Variants in SLC44A5 observed in about 807,000 individuals in gnomAD.
SLC44A5 encodes choline transporter-like protein 5.
In SLC44A5, 57 loss-of-function variants were observed where a neutral mutation model predicts 101.8. The ratio of observed to expected loss-of-function variants is 0.56; its 90% CI spans 0.45 to 0.70. The LOEUF (loss-of-function observed/expected upper bound fraction) is 0.70. Ranked by LOEUF, SLC44A5 falls within the 30% of genes least tolerant of loss-of-function variation. SLC44A5 has a pLI of 0.00. For synonymous variants in SLC44A5, 281 were observed against 290.9 expected (o/e 0.97, Z 0.35); for missense variants, 737 against 853.1 (o/e 0.86, Z 1.70).
chr1:75,357,540 TA>T (rs1659171429), intron 3 of SLC44A5, among the ~76,000 whole-genome samples: 1 of 151,980 alleles, frequency 6.6e-6, no homozygotes, highest in Non-Finnish European at 1.5e-5. Flanking sequence ...AAAGAGTGCT[TA>T]AAGAGGAAAC....
intron 2 of SLC44A5, among the ~76,000 whole-genome samples, chr1:75,526,346 T>TACTCCCCTACTTTTCCCAGGC (rs1670406257): frequency 6.6e-6 from 1 of 152,206 alleles, no homozygotes; most frequent in Non-Finnish European, 1.5e-5. Context: ...TACTCCCAGG[T>TACTCCCCTACTTTTCCCAGGC]ACTCCCCTAC....
intron 1 of SLC44A5, among the ~76,000 whole-genome samples, chr1:75,565,339 A>C (rs758090943): frequency 6.6e-6 from 1 of 152,252 alleles, no homozygotes; most frequent in Non-Finnish European, 1.5e-5. Context: ...GGAGACAAAG[A>C]GAAGTCTAGA....
chr1:75,376,780 C>A (rs1467208890), intron 3 of SLC44A5, among the ~76,000 whole-genome samples: 2 of 152,202 alleles, frequency 1.3e-5, no homozygotes, highest in Non-Finnish European at 2.9e-5. Flanking sequence ...CGCCTCTCCT[C>A]CAAAGGAACG....
rs1329043842 is a variant in SLC44A5, at chr1:75,227,867, G to T, written c.854-10C>A. ...TAACAGTGCCATATTCCTTGAAAAA[G>T]AAAGAAAAACAGAATAATATAAAAT... On this transcript the variant is annotated splice_polypyrimidine_tract_variant and intron_variant, in intron 12 of 23. Transcript: ENST00000370859. 6.3e-7 allele frequency: 1 copy of T among 1,576,340 alleles called. No individual in the cohort carries two copies. The highest frequency in any genetic ancestry group is 8.6e-7 in the Non-Finnish European group (1 of 1,168,392).
In SLC44A5 at chr1:75,211,431, C is replaced by A. The variant is rs1646850367; in HGVS notation, c.2047+37G>T. The A allele has an allele frequency of 2.6e-6, 4 of 1,517,932 alleles. No homozygotes were observed. In the African/African-American group the frequency reaches 4.1e-5, roughly 16 times the overall value. The allele number at this position is 1,517,932 out of a possible 1,614,324, so 94.0% of individuals were successfully genotyped here. ...CTTCACCATCTCACCTTTCAGTTAT[C>A]CACCGAAGGGGGAAAACACACATAC... On this transcript the variant is annotated intron_variant, in intron 23 of 23. Coordinates refer to ENST00000370859, the MANE Select transcript of SLC44A5 (RefSeq NM_001130058.2).
rs750149354 is a variant in SLC44A5 at position 75,242,953 on chromosome 1, T to A, written c.404A>T (p.Tyr135Phe). ...FLTYVEMQLL[Y>F]TKDKSYWEDY... is the part of the protein sequence containing the mutation. ...TTCCCAGTAGCTTTTGTCTTTTGTG[T>A]ACAAAAGTTGCATTTCCACATAGGT... Residue 135 changes from tyrosine (Y) to phenylalanine (F), a missense_variant, in exon 8 of 24, where the codon TAC becomes TTC. By Grantham distance (22) the Tyr-to-Phe change is conservative. Around this residue, in one of 3 missense-constraint regions of SLC44A5, gnomAD observed 665 missense variants for 764.4 expected, o/e 0.87. Transcript: ENST00000370859. 14 of 1,612,464 alleles carry A rather than the reference T, an allele frequency of 8.7e-6. No homozygotes were observed. The highest frequency in any genetic ancestry group is 1.1e-5 in the Non-Finnish European group (13 of 1,179,166).
chr1:75,545,028 C>T (rs1671569544), intron 1 of SLC44A5, among the ~76,000 whole-genome samples: 1 of 152,042 alleles, frequency 6.6e-6, no homozygotes, highest in Non-Finnish European at 1.5e-5. Flanking sequence ...CTCCAAAAGG[C>T]CCTGGTGTGT....
At chr1:75,565,728 T>C (rs186594672) in intron 1 of SLC44A5, among the ~76,000 whole-genome samples, 2 of 152,242 alleles carry the variant, frequency 1.3e-5, no homozygotes. Context: ...TCAATTCCCT[T>C]CTCTCTAAAA....
At chr1:75,327,423 T>C (rs1656685115) in intron 4 of SLC44A5, among the ~76,000 whole-genome samples, 1 of 152,212 alleles carries the variant, frequency 6.6e-6, no homozygotes, top group African/African-American at 2.4e-5. Context: ...TGTTTAGACT[T>C]AAAAAATATG....
At chr1:75,648,725 GA>G in the SLC44A5 span, among the ~76,000 whole-genome samples, 3 of 151,932 alleles carry the variant, frequency 2.0e-5, no homozygotes, top group Non-Finnish European at 4.4e-5. Flanking sequence ...GGGGTTTTAG[GA>G]AATCTGAAGA....
intron 2 of SLC44A5, chr1:75,402,282 G>C (rs1191780801): frequency 4.9e-6 from 1 of 202,636 alleles, no homozygotes; most frequent in Admixed American, 4.7e-5. Context: ...ATGGCTTTGG[G>C]GTAAAGAAGG....
chr1:75,530,176 G>GT (rs1384022801), intron 2 of SLC44A5, among the ~76,000 whole-genome samples: 3 of 151,962 alleles, frequency 2.0e-5, no homozygotes, highest in Non-Finnish European at 4.4e-5. Context: ...AGTTTTCATT[G>GT]TTTTTTATTA....
intron 3 of SLC44A5, among the ~76,000 whole-genome samples, chr1:75,370,945 C>T (rs1358763260): frequency 6.6e-6 from 1 of 152,096 alleles, no homozygotes. Context: ...CGTACATGTG[C>T]TACAGGGAAG....
intron 7 of SLC44A5, among the ~76,000 whole-genome samples, chr1:75,243,431 C>T (rs1648829610): frequency 6.6e-6 from 1 of 152,056 alleles, no homozygotes; most frequent in South Asian, 2.1e-4. Context: ...GCCACTGAAC[C>T]TGGTCTAAAT....
intron 2 of SLC44A5, among the ~76,000 whole-genome samples, chr1:75,499,412 C>G (rs987632287): frequency 1.3e-5 from 2 of 152,208 alleles, no homozygotes; most frequent in Non-Finnish European, 2.9e-5. Flanking sequence ...AGGCAGAACT[C>G]AGGCAGTAAT....
the SLC44A5 span, among the ~76,000 whole-genome samples, chr1:75,679,689 A>G: frequency 3.9e-5 from 6 of 152,148 alleles, no homozygotes; most frequent in Non-Finnish European, 8.8e-5. Context: ...CGAGACTAGG[A>G]AGAAACTGCA....
the SLC44A5 span, among the ~76,000 whole-genome samples, chr1:75,676,138 CA>C: frequency 6.6e-6 from 1 of 152,154 alleles, no homozygotes; most frequent in Admixed American, 6.6e-5. Context: ...GACAGTGTGG[CA>C]ATTCCTCAAA....
the SLC44A5 span, chr1:75,641,961 G>A: frequency 1.9e-6 from 3 of 1,600,000 alleles, no homozygotes; most frequent in Middle Eastern, 4.1e-4. Context: ...ACCACAATCT[G>A]CCTTTCTGGT....
At chr1:75,655,008 G>T in the SLC44A5 span, among the ~76,000 whole-genome samples, 1 of 151,926 alleles carries the variant, frequency 6.6e-6, no homozygotes, top group South Asian at 2.1e-4. Context: ...TTTCAAATTT[G>T]GGTTCGTCAT....
Sources: gnomAD v4.1 joint callset for allele counts (sites outside exome capture counted in the v4.1 genomes callset) on GRCh38, gnomAD v4.1.1 for gene constraint, gnomAD v4.1.1 regional missense constraint, MANE v1.5 for transcripts, NCBI Gene and HGNC (gene_info 2026-07-23, HGNC 2026-07-21) for gene names.